The following TASP1 variants were observed in gnomAD, a reference collection of about 807,000 sequenced individuals.
TASP1 encodes the protein threonine aspartase 1.
In TASP1, 16 loss-of-function variants were observed where a neutral mutation model predicts 56.6. That is an observed-to-expected ratio of 0.28 (90% confidence interval 0.19 to 0.43). TASP1 has a LOEUF of 0.43. Ranked by LOEUF, TASP1 falls within the 20% of genes least tolerant of loss-of-function variation. The pLI, the probability that TASP1 is intolerant of heterozygous loss-of-function variation, is 1.00. For synonymous variants in TASP1, 179 were observed against 184.2 expected (o/e 0.97, Z 0.23); for missense variants, 393 against 511.6 (o/e 0.77, Z 2.24).
chr20:13,536,561 AG>A (rs1207071480), intron 8 of TASP1, among the ~76,000 whole-genome samples: 2 of 152,182 alleles, frequency 1.3e-5, no homozygotes, highest in Non-Finnish European at 2.9e-5. Context: ...AAGTCAAGAA[AG>A]GGTATTCTTT....
the TASP1 span, among the ~76,000 whole-genome samples, chr20:13,178,118 C>T: frequency 6.6e-6 from 1 of 152,086 alleles, no homozygotes; most frequent in African/African-American, 2.4e-5. Context: ...TCTCAAAAGA[C>T]ATACATACAA....
intron 11 of TASP1, among the ~76,000 whole-genome samples, chr20:13,455,173 T>A (rs1472052540): frequency 6.6e-6 from 1 of 151,854 alleles, no homozygotes; most frequent in Non-Finnish European, 1.5e-5. Context: ...TTTTGGAGAG[T>A]AAATCTTATA....
chr20:13,224,604 G>A, the TASP1 span, among the ~76,000 whole-genome samples: 3 of 151,984 alleles, frequency 2.0e-5, no homozygotes, highest in South Asian at 6.2e-4. Context: ...TTATCTCTGT[G>A]TACAACCTTC....
the TASP1 span, chr20:13,164,747 A>G: frequency 6.2e-7 from 1 of 1,610,900 alleles, no homozygotes; most frequent in East Asian, 2.2e-5. Context: ...AAGCAATCTC[A>G]TTGCAGGTTT....
chr20:13,592,871 A>T (rs1345688404), intron 4 of TASP1, among the ~76,000 whole-genome samples: 1 of 152,202 alleles, frequency 6.6e-6, no homozygotes, highest in Non-Finnish European at 1.5e-5. Flanking sequence ...AATGAGGAAC[A>T]TCATCCCTCT....
the TASP1 span, among the ~76,000 whole-genome samples, chr20:13,287,379 A>G: frequency 6.6e-6 from 1 of 152,166 alleles, no homozygotes; most frequent in East Asian, 1.9e-4. Flanking sequence ...AACTGCCCCC[A>G]TGATTCAGTT....
chr20:13,184,841 G>A, the TASP1 span, among the ~76,000 whole-genome samples: 1 of 152,164 alleles, frequency 6.6e-6, no homozygotes. Context: ...ACTAAGCCCA[G>A]TCTAGGTCAG....
chr20:13,552,077 C>T (rs1196914912), intron 8 of TASP1, among the ~76,000 whole-genome samples: 1 of 152,182 alleles, frequency 6.6e-6, no homozygotes, highest in Non-Finnish European at 1.5e-5. Context: ...ATAGTCCTTG[C>T]TTTGCCTAAT....
chr20:13,190,599 T>G, the TASP1 span, among the ~76,000 whole-genome samples: 1 of 152,128 alleles, frequency 6.6e-6, no homozygotes, highest in Non-Finnish European at 1.5e-5. Context: ...GATTGAAGAC[T>G]TAAATGTAAG....
chr20:13,285,633 T>C, the TASP1 span, among the ~76,000 whole-genome samples: 4 of 152,148 alleles, frequency 2.6e-5, no homozygotes, highest in African/African-American at 9.7e-5. Context: ...TATTATCCCA[T>C]TGGCCAAAGC....
At chr20:13,243,511 C>A in the TASP1 span, among the ~76,000 whole-genome samples, 1 of 152,174 alleles carries the variant, frequency 6.6e-6, no homozygotes, top group Non-Finnish European at 1.5e-5. Context: ...CTGCAGTGTT[C>A]CACACTTAGG....
chr20:13,478,530 T>C (rs1013003358), intron 11 of TASP1, among the ~76,000 whole-genome samples: 2 of 151,970 alleles, frequency 1.3e-5, no homozygotes, highest in East Asian at 3.9e-4. Context: ...TGTGTACACA[T>C]GGACATAGAG....
At chr20:13,197,523 C>T in the TASP1 span, among the ~76,000 whole-genome samples, 1 of 152,272 alleles carries the variant, frequency 6.6e-6, no homozygotes, top group South Asian at 2.1e-4. Flanking sequence ...CTAACAACCC[C>T]ATTAAGATGA....
the TASP1 span, among the ~76,000 whole-genome samples, chr20:13,309,603 T>C: frequency 6.6e-6 from 1 of 152,062 alleles, no homozygotes; most frequent in Non-Finnish European, 1.5e-5. Flanking sequence ...CCAGAACAAG[T>C]AGGCAAGAAA....
At chr20:13,333,127 C>G in the TASP1 span, among the ~76,000 whole-genome samples, 2 of 152,224 alleles carry the variant, frequency 1.3e-5, no homozygotes, top group Non-Finnish European at 2.9e-5. Context: ...AAGTGTGGGG[C>G]CCTTCTGAGC....
At chr20:13,554,961 C>A (rs1421995720) in intron 8 of TASP1, among the ~76,000 whole-genome samples, 5 of 152,102 alleles carry the variant, frequency 3.3e-5, no homozygotes, top group African/African-American at 1.2e-4. Context: ...ATTGAATGAC[C>A]CTTCCTTTCA....
chr20:13,302,637 C>G, the TASP1 span, among the ~76,000 whole-genome samples: 1 of 152,188 alleles, frequency 6.6e-6, no homozygotes, highest in Non-Finnish European at 1.5e-5. Context: ...CTGTGGAATT[C>G]TAAGGAATGT....
chr20:13,481,750 C>A (rs1391515298), intron 11 of TASP1, among the ~76,000 whole-genome samples: 1 of 152,052 alleles, frequency 6.6e-6, no homozygotes, highest in Non-Finnish European at 1.5e-5. Flanking sequence ...AAATCTTTTG[C>A]CCATTTTTTG....
the TASP1 span, among the ~76,000 whole-genome samples, chr20:13,257,545 A>G: frequency 5.9e-5 from 9 of 152,092 alleles, no homozygotes; most frequent in African/African-American, 2.2e-4. Context: ...ACTATGTGCC[A>G]TTTCATTCCT....
Sources: gnomAD v4.1 joint callset for allele counts (sites outside exome capture counted in the v4.1 genomes callset) on GRCh38, gnomAD v4.1.1 for gene constraint, MANE v1.5 for transcripts, NCBI Gene and HGNC (gene_info 2026-07-23, HGNC 2026-07-21) for gene names.